The following ACTR3C variants were observed in gnomAD, a reference collection of about 807,000 sequenced individuals.
The protein encoded by ACTR3C is actin related protein 3C.
A neutral mutation model predicts 26.3 loss-of-function variants in ACTR3C; 18 were observed. The ratio of observed to expected loss-of-function variants is 0.68; its 90% CI spans 0.47 to 1.01. The LOEUF (loss-of-function observed/expected upper bound fraction) is 1.01. Among genes scored for constraint, ACTR3C ranks in the 50% least tolerant of loss-of-function variants. ACTR3C has a pLI of 0.00. For synonymous variants in ACTR3C, 55 were observed against 94.5 expected (o/e 0.58, Z 2.42); for missense variants, 184 against 250.7 (o/e 0.73, Z 1.80).
At chr7:150,135,361 C>T in the ACTR3C span, among the ~76,000 whole-genome samples, 1 of 152,266 alleles carries the variant, frequency 6.6e-6, no homozygotes, top group Non-Finnish European at 1.5e-5. Flanking sequence ...AAGCTATTTA[C>T]ACCCTTGTCT....
chr7:150,025,908 A>G, the ACTR3C span, among the ~76,000 whole-genome samples: 150,034 of 151,868 alleles, frequency 0.99, 74,142 homozygotes, highest in East Asian at 1. Flanking sequence ...GAAGGAATAC[A>G]GCTTTAGAAA....
chr7:150,057,303 G>A, the ACTR3C span, among the ~76,000 whole-genome samples: 1 of 128,460 alleles, frequency 7.8e-6, no homozygotes, highest in Non-Finnish European at 1.6e-5. Flanking sequence ...TTTTTGAGAT[G>A]GAGTTTCATT....
chr7:150,053,970 G>A, the ACTR3C span, among the ~76,000 whole-genome samples: 1 of 152,186 alleles, frequency 6.6e-6, no homozygotes, highest in Non-Finnish European at 1.5e-5. Context: ...CCAGCAAGTT[G>A]GCCCCCAGGT....
At chr7:150,051,146 G>T in the ACTR3C span, among the ~76,000 whole-genome samples, 1 of 148,734 alleles carries the variant, frequency 6.7e-6, no homozygotes, top group South Asian at 2.2e-4. Flanking sequence ...GTGTGTATGT[G>T]CATGCACGTT....
intron 6 of ACTR3C, among the ~76,000 whole-genome samples, chr7:150,253,965 G>A (rs1833031820): frequency 6.6e-6 from 1 of 151,868 alleles, no homozygotes; most frequent in Admixed American, 6.6e-5. Context: ...GACTCAGTCA[G>A]TAGGGTACCT....
chr7:150,133,188 T>C, the ACTR3C span, among the ~76,000 whole-genome samples: 8 of 152,052 alleles, frequency 5.3e-5, no homozygotes, highest in East Asian at 5.8e-4. Context: ...AGAGAGACAC[T>C]GATGTTAGGT....
At chr7:150,023,265 A>ATCTC in the ACTR3C span, among the ~76,000 whole-genome samples, 119,448 of 135,716 alleles carry the variant, frequency 0.88, 52,057 homozygotes, top group Middle Eastern at 0.94. Flanking sequence ...ATCTCTATAT[A>ATCTC]TCTCTATATG....
At chr7:150,261,005 AG>A (rs1833596546) in intron 6 of ACTR3C, among the ~76,000 whole-genome samples, 2 of 152,186 alleles carry the variant, frequency 1.3e-5, no homozygotes, top group Non-Finnish European at 2.9e-5. Flanking sequence ...TTGAAACTGT[AG>A]TACTAGAAAT....
At chr7:150,189,140 T>G in the ACTR3C span, among the ~76,000 whole-genome samples, 4 of 151,358 alleles carry the variant, frequency 2.6e-5, no homozygotes, top group Admixed American at 2.6e-4. Flanking sequence ...TACTAATGTA[T>G]TCAACCCTAA....
the ACTR3C span, among the ~76,000 whole-genome samples, chr7:150,190,583 C>G: frequency 1.3e-5 from 2 of 152,204 alleles, no homozygotes; most frequent in Non-Finnish European, 2.9e-5. Context: ...GTCTTCCCAG[C>G]ACCATTTGTT....
the ACTR3C span, among the ~76,000 whole-genome samples, chr7:149,918,069 T>C: frequency 1.3e-5 from 2 of 152,326 alleles, no homozygotes; most frequent in East Asian, 3.9e-4. Flanking sequence ...ATAGTCTCTA[T>C]AGAACGAAGA....
chr7:150,220,389 G>A, the ACTR3C span, among the ~76,000 whole-genome samples: 2 of 145,504 alleles, frequency 1.4e-5, no homozygotes, highest in Admixed American at 6.7e-5. Context: ...TGCGCGCCTC[G>A]GGGGAGACGC....
At chr7:149,888,881 G>A in the ACTR3C span, among the ~76,000 whole-genome samples, 12 of 152,142 alleles carry the variant, frequency 7.9e-5, no homozygotes, top group South Asian at 4.2e-4. Flanking sequence ...GGTGGTGAGC[G>A]CCTGTAATCC....
the ACTR3C span, among the ~76,000 whole-genome samples, chr7:149,947,050 G>A: frequency 0.11 from 15,993 of 150,646 alleles, 2,950 homozygotes; most frequent in African/African-American, 0.37. Flanking sequence ...CCACTGGAGC[G>A]GGGGGTACCA....
intron 1 of ACTR3C, among the ~76,000 whole-genome samples, chr7:150,303,877 T>C (rs1206810113): frequency 1.3e-5 from 2 of 152,230 alleles, no homozygotes; most frequent in Non-Finnish European, 2.9e-5. Context: ...AAAGCATCAA[T>C]GAATGCAAGC....
the ACTR3C span, among the ~76,000 whole-genome samples, chr7:150,154,430 A>G: frequency 7.0e-4 from 107 of 151,950 alleles, 2 homozygotes; most frequent in East Asian, 0.017. Flanking sequence ...GGCTGATTAC[A>G]TAGGGCGATT....
At chr7:150,141,552 A>T in the ACTR3C span, among the ~76,000 whole-genome samples, 3 of 151,672 alleles carry the variant, frequency 2.0e-5, no homozygotes, top group Admixed American at 6.6e-5. Flanking sequence ...GTCCTGACTT[A>T]TTGTTATTGT....
At chr7:150,172,396 C>T in the ACTR3C span, among the ~76,000 whole-genome samples, 2 of 150,752 alleles carry the variant, frequency 1.3e-5, no homozygotes, top group Non-Finnish European at 2.9e-5. Context: ...CCCTGATAAA[C>T]ACATCAGATC....
the ACTR3C span, among the ~76,000 whole-genome samples, chr7:149,930,210 C>T: frequency 2.8e-4 from 42 of 152,202 alleles, no homozygotes; most frequent in East Asian, 6.4e-3. Context: ...GACATGAATC[C>T]GTACTGTATG....
Sources: allele counts gnomAD v4.1 joint callset (sites outside exome capture counted in the v4.1 genomes callset), GRCh38; gene constraint gnomAD v4.1.1; transcripts MANE v1.5; gene names NCBI Gene and HGNC (gene_info 2026-07-23, HGNC 2026-07-21).